RBFOX1: variants seen among roughly 807,000 people sequenced by gnomAD.
RBFOX1 encodes the protein RNA binding fox-1 homolog 1, also known as RNA binding protein fox-1 homolog 1.
Under a neutral mutation model 57.7 loss-of-function variants are expected in RBFOX1, and 8 were observed. That is an observed-to-expected ratio of 0.14 (90% CI 0.08 to 0.25). RBFOX1 has a LOEUF of 0.25. Among genes scored for constraint, RBFOX1 ranks in the 10% least tolerant of loss-of-function variants. The pLI is 1.00. For missense variants in RBFOX1, 611 were observed against 548.5 expected (o/e 1.11, Z -1.14); for synonymous variants, 326 against 222.4 (o/e 1.47, Z -4.15).
intron 3 of RBFOX1, among the ~76,000 whole-genome samples, chr16:6,859,448 A>T (rs2058623987): frequency 6.6e-6 from 1 of 151,836 alleles, no homozygotes; most frequent in Non-Finnish European, 1.5e-5. Flanking sequence ...TTCATCAGAG[A>T]ACTTGATAAG....
At chr16:6,593,451 C>A (rs1234433368) in intron 2 of RBFOX1, among the ~76,000 whole-genome samples, 1 of 152,090 alleles carries the variant, frequency 6.6e-6, no homozygotes, top group Non-Finnish European at 1.5e-5. Flanking sequence ...GTTTGGTGAT[C>A]GCCTCTTTTT....
intron 3 of RBFOX1, among the ~76,000 whole-genome samples, chr16:6,799,873 C>A (rs375594141): frequency 2.6e-5 from 4 of 152,132 alleles, no homozygotes; most frequent in African/African-American, 9.7e-5. Flanking sequence ...GGTTTCGGGA[C>A]TCGGAGTGAG....
intron 1 of RBFOX1, among the ~76,000 whole-genome samples, chr16:5,307,649 G>C (rs890237287): frequency 6.6e-6 from 1 of 152,070 alleles, no homozygotes; most frequent in South Asian, 2.1e-4. Context: ...CATGTCTGAG[G>C]GTCTTAGATT....
intron 4 of RBFOX1, among the ~76,000 whole-genome samples, chr16:7,347,626 C>G (rs902830312): frequency 6.6e-6 from 1 of 152,098 alleles, no homozygotes; most frequent in Non-Finnish European, 1.5e-5. Flanking sequence ...TTGAAAAACC[C>G]CACTCTAGGC....
intron 2 of RBFOX1, among the ~76,000 whole-genome samples, chr16:6,579,879 G>A (rs774528845): frequency 4.6e-5 from 7 of 151,966 alleles, no homozygotes; most frequent in Non-Finnish European, 7.4e-5. Flanking sequence ...AGCCACTGCC[G>A]CCAGCCTTCA....
intron 3 of RBFOX1, among the ~76,000 whole-genome samples, chr16:6,904,266 A>G (rs183734530): frequency 6.6e-6 from 1 of 151,896 alleles, no homozygotes; most frequent in Non-Finnish European, 1.5e-5. Flanking sequence ...CTGTTGTTGA[A>G]CCTGTTCTCT....
At chr16:6,040,535 G>C (rs1000865664) in intron 1 of RBFOX1, among the ~76,000 whole-genome samples, 5 of 151,276 alleles carry the variant, frequency 3.3e-5, no homozygotes, top group Admixed American at 6.6e-5. Flanking sequence ...CAAGTGTGAG[G>C]GTGTGAATTA....
chr16:5,841,776 C>T (rs1307096267), intron 3 of RBFOX1, among the ~76,000 whole-genome samples: 1 of 152,192 alleles, frequency 6.6e-6, no homozygotes, highest in East Asian at 1.9e-4. Context: ...CCTGATGCAG[C>T]CCAGTTCTCA....
At chr16:6,932,875 A>G (rs982142114) in intron 3 of RBFOX1, among the ~76,000 whole-genome samples, 1 of 152,194 alleles carries the variant, frequency 6.6e-6, no homozygotes, top group African/African-American at 2.4e-5. Context: ...CTGAAACTCT[A>G]TATCCATTAA....
At chr16:6,910,671 C>T (rs540158733) in intron 3 of RBFOX1, among the ~76,000 whole-genome samples, 46 of 152,296 alleles carry the variant, frequency 3.0e-4, no homozygotes, top group African/African-American at 9.9e-4. Flanking sequence ...TTACGAGGCT[C>T]GTGGCCCTTC....
intron 1 of RBFOX1, among the ~76,000 whole-genome samples, chr16:6,311,463 T>C (rs958803393): frequency 6.6e-5 from 10 of 151,934 alleles, no homozygotes; most frequent in Non-Finnish European, 1.2e-4. Flanking sequence ...CAAAAGGAGA[T>C]GATGTTGGAG....
chr16:5,785,986 C>T (rs997493280), intron 3 of RBFOX1, among the ~76,000 whole-genome samples: 3 of 152,208 alleles, frequency 2.0e-5, no homozygotes, highest in Non-Finnish European at 4.4e-5. Context: ...ACCTCCTTCT[C>T]TTGCCATTTC....
At position 5,374,281 on chromosome 16, in the gene RBFOX1, A is replaced by G. The variant is rs568772904; in HGVS notation, c.220-92935A>G. ...ATTTATAGCAATGCAAGAATGAACTAATAAAAGTGCTGTATGTGATACTGA... is the reference window on the plus strand; with the variant it reads ...ATTTATAGCAATGCAAGAATGAACTGATAAAAGTGCTGTATGTGATACTGA... On this transcript the variant is annotated intron_variant, in intron 1 of 2. Transcript: ENST00000585867. Among the ~76,000 whole-genome samples the G allele has an allele frequency of 4.6e-5, 7 of 152,364 alleles. No homozygotes were observed. In the South Asian group the frequency reaches 1.2e-3, roughly 27 times the overall value.
Position 6,687,313 on chromosome 16 carries a change from G to A in RBFOX1, c.-16+32663G>A, listed in dbSNP as rs114956722. 6.5e-3 allele frequency among the ~76,000 whole-genome samples: 985 copies of A among 151,902 alleles called. 7 individuals carry two copies. Among genetic ancestry groups the A allele is most frequent in the African/African-American group, 0.023 (945 of 41,414 alleles). ...GGGAGGTTGGGAGGAGAATGTGGGG[G>A]TAATAAACTGCATATTAGGTACAAT... On this transcript the variant is annotated intron_variant, in intron 3 of 15. Transcript: ENST00000550418.
At chr16:6,800,055 C>T (rs1202012865) in intron 3 of RBFOX1, among the ~76,000 whole-genome samples, 3 of 152,148 alleles carry the variant, frequency 2.0e-5, no homozygotes, top group African/African-American at 7.2e-5. Context: ...AAGATAACTT[C>T]TGGGCATTGT....
chr16:6,088,194 C>A (rs900522396), intron 1 of RBFOX1, among the ~76,000 whole-genome samples: 1 of 151,880 alleles, frequency 6.6e-6, no homozygotes, highest in Admixed American at 6.6e-5. Flanking sequence ...TACTTTTTTT[C>A]TTTCATTTTT....
At chr16:5,494,106 C>T (rs1012735573) in intron 2 of RBFOX1, among the ~76,000 whole-genome samples, 4 of 152,136 alleles carry the variant, frequency 2.6e-5, no homozygotes, top group Non-Finnish European at 4.4e-5. Context: ...TCCTTACTCA[C>T]GTGCTTTGCT....
At chr16:6,130,163 T>C (rs1251807496) in intron 1 of RBFOX1, among the ~76,000 whole-genome samples, 2 of 152,262 alleles carry the variant, frequency 1.3e-5, no homozygotes, top group Non-Finnish European at 1.5e-5. Flanking sequence ...TTAATTTATT[T>C]GGGGAAAACA....
At chr16:5,908,570 C>G (rs1438628902) in intron 4 of RBFOX1, among the ~76,000 whole-genome samples, 2 of 151,922 alleles carry the variant, frequency 1.3e-5, no homozygotes, top group African/African-American at 4.8e-5. Flanking sequence ...CCTGGCTGGT[C>G]TCGAACTCCT....
Sources: gnomAD v4.1 joint callset for allele counts (sites outside exome capture counted in the v4.1 genomes callset) on GRCh38, gnomAD v4.1.1 for gene constraint, MANE v1.5 for transcripts, NCBI Gene and HGNC (gene_info 2026-07-23, HGNC 2026-07-21) for gene names.